Variants in PFKFB3 observed in about 807,000 individuals in gnomAD.
PFKFB3 encodes the protein 6-phosphofructo-2-kinase/fructose-2,6-biphosphatase 3, also known as 6-phosphofructo-2-kinase/fructose-2,6-bisphosphatase 3.
A neutral mutation model predicts 68.0 loss-of-function variants in PFKFB3; 33 were observed. The observed-to-expected ratio is 0.49, with a 90% CI of 0.37 to 0.65. The LOEUF (loss-of-function observed/expected upper bound fraction) is 0.65. Ranked by LOEUF, PFKFB3 falls within the 30% of genes least tolerant of loss-of-function variation. PFKFB3 has a pLI of 0.00. For synonymous variants in PFKFB3, 315 were observed against 288.2 expected (o/e 1.09, Z -0.94); for missense variants, 586 against 712.2 (o/e 0.82, Z 2.02).
At position 6,146,145 on chromosome 10, in the gene PFKFB3, G is replaced by T. The variant is rs189680172; in HGVS notation, c.16+1132G>T. On this transcript the variant is annotated intron_variant, in intron 1 of 14. Coordinates refer to the PFKFB3 transcript ENST00000379789. ...ACGTTGAGGACTGGGGGTGTGTGTG[G>T]GGGGAGCCTGGCCTCCCCTGGCACT... 153 of 784,996 alleles carry T rather than the reference G, an allele frequency of 1.9e-4. No homozygotes were observed. The African/African-American group carries it at 2.5e-3, about 13-fold the overall frequency. The allele number at this position is 784,996 out of a possible 1,614,324, so 48.6% of individuals were successfully genotyped here.
the PFKFB3 span, among the ~76,000 whole-genome samples, chr10:6,289,969 G>A: frequency 2.5e-4 from 38 of 152,118 alleles, no homozygotes; most frequent in South Asian, 4.1e-4. Flanking sequence ...TGAAGCAATC[G>A]TGAATGGGAG....
In PFKFB3 at chr10:6,232,920, C is replaced by T. The variant is rs2132055545; in HGVS notation, c.1541C>T (p.Ala514Val). ...AACATGAAAGGCTCCCGGAGCAGCG[C>T]TGACTCCTCCAGGAAACACTGAGGC... The part of the protein sequence containing the change: ...GQNMKGSRSS[A>V]DSSRKH The change falls in exon 15 of 15, where the codon GCT becomes GTT. Residue 514 changes from alanine to valine, a missense_variant. Ala to Val is a moderately conservative substitution (Grantham distance 64). Coordinates refer to ENST00000379775, the MANE Select transcript of PFKFB3 (RefSeq NM_004566.4). The T allele has an allele frequency of 6.2e-7, 1 of 1,613,472 alleles. No individual in the cohort carries two copies. Among genetic ancestry groups the T allele is most frequent in the Non-Finnish European group, 8.5e-7 (1 of 1,179,594 alleles).
At chr10:6,247,974 T>G (rs1159494787) in intron 14 of PFKFB3, among the ~76,000 whole-genome samples, 1 of 152,164 alleles carries the variant, frequency 6.6e-6, no homozygotes, top group Non-Finnish European at 1.5e-5. Flanking sequence ...TTGCCCCAGA[T>G]CACACAGGTC....
intron 1 of PFKFB3, among the ~76,000 whole-genome samples, chr10:6,150,923 TG>T (rs75110601): frequency 0.045 from 6,905 of 152,038 alleles, 241 homozygotes; most frequent in Admixed American, 0.1. Flanking sequence ...CGCTTGAACC[TG>T]GGGGGGCGGA....
downstream of PFKFB3, among the ~76,000 whole-genome samples, chr10:6,256,808 A>C (rs1011651495): frequency 6.6e-6 from 1 of 152,226 alleles, no homozygotes; most frequent in Admixed American, 6.5e-5. Context: ...GAAAGGGTTC[A>C]GATCATTGCT....
intron 1 of PFKFB3, among the ~76,000 whole-genome samples, chr10:6,167,690 G>C (rs112942844): frequency 3.9e-5 from 6 of 152,174 alleles, no homozygotes; most frequent in Non-Finnish European, 8.8e-5. Context: ...GGCAGCATTC[G>C]TATCTGGTGG....
At chr10:6,250,382 G>A (rs759517848) in intron 14 of PFKFB3, among the ~76,000 whole-genome samples, 2 of 151,844 alleles carry the variant, frequency 1.3e-5, no homozygotes, top group African/African-American at 4.8e-5. Flanking sequence ...TGGCTAACAC[G>A]GTGAAACCCT....
At chr10:6,179,030 C>G in intron 1 of PFKFB3, among the ~76,000 whole-genome samples, 1 of 152,226 alleles carries the variant, frequency 6.6e-6, no homozygotes, top group Non-Finnish European at 1.5e-5. Flanking sequence ...TGGAGTCGTT[C>G]TAAAAATGAA....
At chr10:6,161,298 G>A (rs1050010336) in intron 1 of PFKFB3, among the ~76,000 whole-genome samples, 2 of 152,086 alleles carry the variant, frequency 1.3e-5, no homozygotes, top group Admixed American at 1.3e-4. Flanking sequence ...GCCTCTGCAA[G>A]TTCCCCCTGC....
the PFKFB3 span, among the ~76,000 whole-genome samples, chr10:6,305,005 ATTTTTT>A: frequency 6.2e-4 from 9 of 14,528 alleles, no homozygotes; most frequent in Non-Finnish European, 8.6e-4. Context: ...AATATTAGGA[ATTTTTT>A]TTTTTTTTTT....
intron 1 of PFKFB3, among the ~76,000 whole-genome samples, chr10:6,153,914 AG>A (rs1185405371): frequency 6.6e-6 from 1 of 151,924 alleles, no homozygotes; most frequent in Non-Finnish European, 1.5e-5. Context: ...GGTTGCACAC[AG>A]GATGGTCACT....
chr10:6,243,368 G>A (rs1846183818), intron 14 of PFKFB3, among the ~76,000 whole-genome samples: 1 of 152,204 alleles, frequency 6.6e-6, no homozygotes, highest in Admixed American at 6.5e-5. Flanking sequence ...TTAAATCCCA[G>A]AAGGCATCAT....
chr10:6,320,543 G>A, the PFKFB3 span, among the ~76,000 whole-genome samples: 1 of 151,924 alleles, frequency 6.6e-6, no homozygotes, highest in African/African-American at 2.4e-5. Flanking sequence ...AGCTTCCTGA[G>A]ATCAATTGAG....
the PFKFB3 span, among the ~76,000 whole-genome samples, chr10:6,298,465 T>A: frequency 3.3e-5 from 5 of 151,922 alleles, no homozygotes; most frequent in East Asian, 7.7e-4. Flanking sequence ...CTTCTACTCC[T>A]GGGGTCAAGA....
chr10:6,236,325 G>A (rs74564141), downstream of PFKFB3, among the ~76,000 whole-genome samples: 1 of 152,222 alleles, frequency 6.6e-6, no homozygotes, highest in African/African-American at 2.4e-5. Context: ...TGCAGATGGG[G>A]CAGGGTTCAG....
At chr10:6,265,149 C>T in the PFKFB3 span, among the ~76,000 whole-genome samples, 8 of 147,210 alleles carry the variant, frequency 5.4e-5, no homozygotes, top group African/African-American at 1.8e-4. Context: ...GGCGCCATCT[C>T]GGCTCACTGC....
chr10:6,307,642 T>C, the PFKFB3 span, among the ~76,000 whole-genome samples: 2 of 144,348 alleles, frequency 1.4e-5, no homozygotes, highest in East Asian at 2.4e-4. Context: ...CTTGCCCCAC[T>C]GTGGCATGAT....
the PFKFB3 span, among the ~76,000 whole-genome samples, chr10:6,319,746 G>A: frequency 1.3e-5 from 2 of 151,244 alleles, no homozygotes; most frequent in Non-Finnish European, 2.9e-5. Context: ...TTGTTCTAAT[G>A]AGTCCTAAAA....
chr10:6,215,463 G>A lies in PFKFB3; in HGVS notation c.299+146G>A, dbSNP rs1028887812. 7 of 686,262 alleles carry A rather than the reference G, an allele frequency of 1.0e-5. No homozygotes were observed. Among genetic ancestry groups the A allele is most frequent in the Non-Finnish European group, 1.5e-5 (6 of 388,024 alleles). The allele number at this position is 686,262 out of a possible 1,614,324, so 42.5% of individuals were successfully genotyped here. Reference sequence around the variant, plus strand: ...CTGGGCTGCGGGGCTGCGGGTGTAAGGCTGGGCTGCGGGCTTGGGCTTGCT... The same window carrying A: ...CTGGGCTGCGGGGCTGCGGGTGTAAAGCTGGGCTGCGGGCTTGGGCTTGCT... On this transcript the variant is annotated intron_variant, in intron 3 of 14. Coordinates refer to ENST00000379775, the MANE Select transcript of PFKFB3 (RefSeq NM_004566.4). The surrounding 1 kb of genome is among the most constrained non-coding windows in gnomAD (Gnocchi z 4.3).
Sources: gnomAD v4.1 joint callset for allele counts (sites outside exome capture counted in the v4.1 genomes callset) on GRCh38, gnomAD v4.1.1 for gene constraint, Gnocchi (gnomAD v3.1) non-coding constraint, MANE v1.5 for transcripts, NCBI Gene and HGNC (gene_info 2026-07-23, HGNC 2026-07-21) for gene names.